The following SIPA1L3 variants were observed in gnomAD, a reference collection of about 807,000 sequenced individuals.
SIPA1L3 encodes signal-induced proliferation-associated 1-like protein 3.
Under a neutral mutation model 150.1 loss-of-function variants are expected in SIPA1L3, and 59 were observed. That is an observed-to-expected ratio of 0.39 (90% CI 0.32 to 0.49). The LOEUF is 0.49. Among genes scored for constraint, SIPA1L3 ranks in the 20% least tolerant of loss-of-function variants. The pLI, the probability that SIPA1L3 is intolerant of heterozygous loss-of-function variation, is 0.86. For missense variants in SIPA1L3, 2,211 were observed against 2,489.5 expected (o/e 0.89, Z 2.38); for synonymous variants, 1,070 against 1,077.6 (o/e 0.99, Z 0.14).
At chr19:38,034,318 C>T (rs1968728842) in intron 2 of SIPA1L3, among the ~76,000 whole-genome samples, 1 of 152,162 alleles carries the variant, frequency 6.6e-6, no homozygotes, top group Non-Finnish European at 1.5e-5. Context: ...GCCGTAAGCG[C>T]CTCACGTGCA....
intron 1 of SIPA1L3, among the ~76,000 whole-genome samples, chr19:37,967,245 T>A (rs1202789554): frequency 5.3e-5 from 8 of 151,140 alleles, no homozygotes. Flanking sequence ...CATGTGGAAG[T>A]TCCCCCCCAC....
At chr19:38,021,763 C>G (rs1483911416) in intron 1 of SIPA1L3, among the ~76,000 whole-genome samples, 2 of 152,130 alleles carry the variant, frequency 1.3e-5, no homozygotes, top group African/African-American at 4.8e-5. Flanking sequence ...CCAGGCTGGT[C>G]TCTAACTCCT....
At position 37,927,836 on chromosome 19, in the gene SIPA1L3, G is replaced by C. The variant is rs2046520141; in HGVS notation, c.-379+20478G>C. 1.3e-5 allele frequency among the ~76,000 whole-genome samples: 2 copies of C among 152,036 alleles called. 1 individual carries two copies. The highest frequency in any genetic ancestry group is 4.1e-4 in the South Asian group (2 of 4,822). ...TGTGCATTCATTCACTTAGGATAAT[G>C]GCCTCCAGCTACATCCATGTTGCTG... is the stretch of plus-strand genomic sequence containing the variant. On this transcript the variant is annotated intron_variant, in intron 1 of 21. Coordinates refer to ENST00000222345, the MANE Select transcript of SIPA1L3 (RefSeq NM_015073.3).
Position 38,082,051 on chromosome 19 carries a change from C to T in SIPA1L3, c.486C>T (p.Ala162=). 6.2e-7 allele frequency: 1 copy of T among 1,613,712 alleles called. No individual in the cohort carries two copies. The highest frequency in any genetic ancestry group is 8.5e-7 in the Non-Finnish European group (1 of 1,179,988). ...GGTGGCCCCGGTCCCCCGGCAGGGC[C>T]TTCCTCCCCCTTCGGCACCGCAGCA... ...QDGWPRSPGR[A]FLPLRHRSSS... The change falls in exon 3 of 22, where the codon GCC becomes GCT. Residue 162 remains alanine (A), a synonymous_variant. Coordinates refer to ENST00000222345, the MANE Select transcript of SIPA1L3 (RefSeq NM_015073.3).
At chr19:38,185,000 CT>C (rs1972646084) in intron 16 of SIPA1L3, 1 of 152,746 alleles carries the variant, frequency 6.5e-6, no homozygotes, top group Non-Finnish European at 1.5e-5. Context: ...TGGCCTCTTG[CT>C]GTTCCTCACA....
intron 8 of SIPA1L3, among the ~76,000 whole-genome samples, chr19:38,118,357 A>G (rs35932728): frequency 0.66 from 100,193 of 151,640 alleles, 34,617 homozygotes; most frequent in African/African-American, 0.86. Flanking sequence ...CCCAGGAGAC[A>G]GAGGTTGCTG....
At chr19:38,189,636 G>A (rs892027935) in intron 16 of SIPA1L3, among the ~76,000 whole-genome samples, 2 of 152,050 alleles carry the variant, frequency 1.3e-5, no homozygotes, top group Admixed American at 6.6e-5. Flanking sequence ...CGTGGTGGCA[G>A]GCGCCTGTAA....
chr19:38,078,793 G>C (rs1290042141), intron 2 of SIPA1L3, among the ~76,000 whole-genome samples: 2 of 152,196 alleles, frequency 1.3e-5, no homozygotes, highest in African/African-American at 4.8e-5. Context: ...TTGGCAGGAG[G>C]GAGCGGGCAC....
At chr19:37,946,958 G>A (rs1340785866) in intron 1 of SIPA1L3, among the ~76,000 whole-genome samples, 2 of 152,204 alleles carry the variant, frequency 1.3e-5, no homozygotes, top group Non-Finnish European at 2.9e-5. Context: ...GGCAGAGGCA[G>A]GAGGATCACT....
chr19:37,916,521 A>C (rs944726542), intron 1 of SIPA1L3, among the ~76,000 whole-genome samples: 2 of 151,158 alleles, frequency 1.3e-5, no homozygotes, highest in African/African-American at 4.9e-5. Context: ...AAAAAGACTG[A>C]AAGTATGGAG....
In SIPA1L3 at chr19:38,164,488, C is replaced by T. The variant is rs1382411913; in HGVS notation, c.3790C>T (p.Gln1264Ter). 6.2e-7 allele frequency: 1 copy of T among 1,607,556 alleles called. No homozygotes were observed. Among genetic ancestry groups the T allele is most frequent in the Non-Finnish European group, 8.5e-7 (1 of 1,175,222 alleles). ...TTCTCTTGCCTCTCAGGGAGAACCT[C>T]AATACTCAAGTCATTCCAGCAGCAA... ...SPNRHSKGEP[Q>*]YSSHSSSNTL... The change falls in exon 15 of 22, where the codon CAA becomes TAA. Residue 1264 changes from glutamine (Q) to a stop codon, truncating the protein, a stop_gained. Transcript: ENST00000222345. LOFTEE classifies it high-confidence loss of function. This position sits in a 1 kb window ranked among gnomAD's most constrained non-coding sequence, Gnocchi z 4.1.
chr19:38,009,247 T>G (rs9636116), intron 1 of SIPA1L3, among the ~76,000 whole-genome samples: 1 of 151,870 alleles, frequency 6.6e-6, no homozygotes, highest in East Asian at 1.9e-4. Context: ...CTCGAACTCC[T>G]GACCTTGTGA....
chr19:38,079,688 T>C (rs1347239882), intron 2 of SIPA1L3, among the ~76,000 whole-genome samples: 1 of 152,008 alleles, frequency 6.6e-6, no homozygotes, highest in Non-Finnish European at 1.5e-5. Flanking sequence ...CCTGAGTAGC[T>C]GGGACTACAG....
chr19:38,034,790 C>G (rs367708948), intron 2 of SIPA1L3, among the ~76,000 whole-genome samples: 11 of 152,320 alleles, frequency 7.2e-5, no homozygotes, highest in African/African-American at 2.4e-4. Flanking sequence ...TCTTGGCCTC[C>G]CTTTTTCCAA....
At chr19:38,190,235 C>T (rs1387622601) in intron 16 of SIPA1L3, among the ~76,000 whole-genome samples, 2 of 152,192 alleles carry the variant, frequency 1.3e-5, no homozygotes, top group Admixed American at 6.5e-5. Context: ...CCTGCTTCCT[C>T]ACTGCCGGGA....
intron 19 of SIPA1L3, among the ~76,000 whole-genome samples, chr19:38,198,846 CTG>C (rs1422185225): frequency 6.6e-6 from 1 of 152,182 alleles, no homozygotes; most frequent in Non-Finnish European, 1.5e-5. Context: ...TCCCAGCACT[CTG>C]AGAGTCCAAG....
intron 1 of SIPA1L3, among the ~76,000 whole-genome samples, chr19:37,994,815 G>C (rs113548339): frequency 1.3e-5 from 2 of 152,344 alleles, no homozygotes; most frequent in African/African-American, 4.8e-5. Context: ...CTGGGCTGCA[G>C]GTAACAAGAC....
chr19:38,161,028 T>C (rs949587212), intron 13 of SIPA1L3, among the ~76,000 whole-genome samples: 1 of 152,132 alleles, frequency 6.6e-6, no homozygotes, highest in African/African-American at 2.4e-5. Flanking sequence ...CAGTGTTTAT[T>C]ATTATTCCAT....
rs200943668 is a variant in SIPA1L3 at position 38,162,385 on chromosome 19, C to G, written c.3780+14C>G. The G allele has an allele frequency of 2.3e-5, 37 of 1,600,248 alleles. No individual in the cohort carries two copies. In the East Asian group the frequency reaches 6.0e-4, roughly 26 times the overall value. ...AGGCATTCCAAAGTGAGTCTGGGCC[C>G]CACCCTGCCCTACCGGGGGAGCCAG... On this transcript the variant is annotated intron_variant, in intron 14 of 21. Coordinates refer to ENST00000222345, the MANE Select transcript of SIPA1L3 (RefSeq NM_015073.3).
Sources: allele counts gnomAD v4.1 joint callset (sites outside exome capture counted in the v4.1 genomes callset), GRCh38; gene constraint gnomAD v4.1.1; non-coding constraint Gnocchi (gnomAD v3.1); transcripts MANE v1.5; gene names NCBI Gene and HGNC (gene_info 2026-07-23, HGNC 2026-07-21).